The following LYPLA1 variants were observed in gnomAD, a reference collection of about 807,000 sequenced individuals.
LYPLA1 encodes the protein lysophospholipase 1.
In LYPLA1, 17 loss-of-function variants were observed where a neutral mutation model predicts 34.0. The observed-to-expected ratio is 0.50, with a 90% confidence interval of 0.34 to 0.75. The LOEUF (loss-of-function observed/expected upper bound fraction) is 0.75. Ranked by LOEUF, LYPLA1 falls within the 30% of genes least tolerant of loss-of-function variation. The pLI is 0.01. For missense variants in LYPLA1, 203 were observed against 288.8 expected (o/e 0.70, Z 2.15); for synonymous variants, 98 against 100.8 (o/e 0.97, Z 0.17).
Position 54,047,932 on chromosome 8 carries a change from G to T in LYPLA1, c.*133C>A, listed in dbSNP as rs1014671901. 3.9e-5 allele frequency: 23 copies of T among 597,122 alleles called. No homozygotes were observed. In the Admixed American group the frequency reaches 4.1e-4, roughly 11 times the overall value. 37.0% of individuals were successfully genotyped at this position (597,122 alleles called of 1,614,324 possible). On this transcript the variant is annotated 3_prime_UTR_variant, in exon 9 of 9. Coordinates refer to ENST00000316963, the MANE Select transcript of LYPLA1 (RefSeq NM_006330.4). ...CTCATGAGGAGATATTATTTGATCT[G>T]TGTTATTGGCATGTATTTGCAAAAC...
chr8:54,092,157 C>T (rs575675190), intron 2 of LYPLA1, among the ~76,000 whole-genome samples: 4 of 146,416 alleles, frequency 2.7e-5, no homozygotes, highest in East Asian at 4.0e-4. Context: ...GCAGAGGCGG[C>T]GGCGGAGGAG....
chr8:54,084,996 T>TCTC (rs1808601644), intron 2 of LYPLA1, among the ~76,000 whole-genome samples: 1 of 119,914 alleles, frequency 8.3e-6, no homozygotes, highest in African/African-American at 6.5e-5. Context: ...CTCCTCTCCC[T>TCTC]CCTCTTCCTC....
At chr8:54,101,414 C>A (rs1396131594) in intron 1 of LYPLA1, 4 of 1,064,058 alleles carry the variant, frequency 3.8e-6, no homozygotes, top group African/African-American at 1.7e-5. Context: ...GACAATAAGG[C>A]GATTTCCTGG....
At chr8:54,085,112 T>C (rs1301552940) in intron 2 of LYPLA1, among the ~76,000 whole-genome samples, 1 of 152,244 alleles carries the variant, frequency 6.6e-6, no homozygotes, top group African/African-American at 2.4e-5. Flanking sequence ...CTGATTCTCC[T>C]GCCTCAGCCT....
chr8:54,086,017 G>A (rs1306030354), intron 2 of LYPLA1, among the ~76,000 whole-genome samples: 2 of 152,212 alleles, frequency 1.3e-5, no homozygotes, highest in Non-Finnish European at 2.9e-5. Context: ...GGAAAAGAGA[G>A]ATCAGATTGT....
intron 2 of LYPLA1, among the ~76,000 whole-genome samples, chr8:54,089,759 G>T (rs1809082457): frequency 6.6e-6 from 1 of 151,926 alleles, no homozygotes; most frequent in South Asian, 2.1e-4. Flanking sequence ...AAGTAGCTGG[G>T]ATTACAGGCA....
chr8:54,085,842 C>T (rs1208220967), intron 2 of LYPLA1, among the ~76,000 whole-genome samples: 9 of 142,092 alleles, frequency 6.3e-5, no homozygotes, highest in Non-Finnish European at 1.2e-4. Context: ...CCAGCCGCCC[C>T]GTCCGCGAGG....
At chr8:54,051,287 T>C (rs1805826912) in intron 7 of LYPLA1, 99 bp from the exon 8 acceptor site, 2 of 1,026,722 alleles carry the variant, frequency 1.9e-6, no homozygotes, top group African/African-American at 1.6e-5. Flanking sequence ...ATATATAACA[T>C]ATTAGAAGTT....
At chr8:54,088,687 T>A (rs1166894222) in intron 2 of LYPLA1, among the ~76,000 whole-genome samples, 1 of 152,222 alleles carries the variant, frequency 6.6e-6, no homozygotes. Flanking sequence ...TATTACTCAT[T>A]AGAGTAAAAA....
intron 6 of LYPLA1, 72 bp downstream of exon 6, chr8:54,054,988 G>T: frequency 1.1e-6 from 1 of 900,132 alleles, no homozygotes; most frequent in Non-Finnish European, 1.8e-6. Flanking sequence ...CTACTCTATA[G>T]AAAGGATTAA....
intron 6 of LYPLA1, chr8:54,053,715 G>A (rs772053088): frequency 1.5e-5 from 7 of 456,142 alleles, no homozygotes; most frequent in Non-Finnish European, 1.8e-5. Context: ...GGCTGCAAAA[G>A]CCAAGATGGC....
intron 2 of LYPLA1, among the ~76,000 whole-genome samples, chr8:54,066,739 C>T (rs1202200462): frequency 6.6e-6 from 1 of 151,510 alleles, no homozygotes; most frequent in East Asian, 1.9e-4. Context: ...CGAGATCACG[C>T]CACTGCACTC....
At chr8:54,048,479 A>G (rs1023986896) in intron 8 of LYPLA1, among the ~76,000 whole-genome samples, 28 of 152,332 alleles carry the variant, frequency 1.8e-4, no homozygotes, top group African/African-American at 5.8e-4. Context: ...CAGAGCTTCT[A>G]CCATTCTTCA....
At chr8:54,101,560 C>T in intron 1 of LYPLA1, 195 bp downstream of exon 1, 1 of 1,148,962 alleles carries the variant, frequency 8.7e-7, no homozygotes, top group Admixed American at 4.8e-5. Context: ...GACTGGCCCT[C>T]GCGCCGGCTG....
intron 2 of LYPLA1, among the ~76,000 whole-genome samples, chr8:54,082,749 C>T (rs547336071): frequency 6.6e-5 from 10 of 152,218 alleles, no homozygotes; most frequent in South Asian, 2.1e-4. Flanking sequence ...TTTTCTGAGA[C>T]GGAGTCTCGC....
Position 54,065,917 on chromosome 8 carries a change from T to A in LYPLA1, c.102-104A>T. ...AAAAATTGTGAAGATAAATGTTAAA[T>A]CCTAAAAATATGGTTTTTTTTTGTT... On this transcript the variant is annotated intron_variant, in intron 2 of 8. Coordinates refer to ENST00000316963, the MANE Select transcript of LYPLA1 (RefSeq NM_006330.4). 7 of 761,722 alleles carry A rather than the reference T, an allele frequency of 9.2e-6. No individual in the cohort carries two copies. In the South Asian group the frequency reaches 1.1e-4, roughly 12 times the overall value. The allele number at this position is 761,722 out of a possible 1,614,324, so 47.2% of individuals were successfully genotyped here.
At chr8:54,048,227 C>T in intron 8 of LYPLA1, 109 bp from the exon 9 acceptor site, 1 of 665,154 alleles carries the variant, frequency 1.5e-6, no homozygotes. Flanking sequence ...GGCGAAATCA[C>T]ATTTTTACTA....
At chr8:54,066,806 A>C (rs1807103226) in intron 2 of LYPLA1, among the ~76,000 whole-genome samples, 1 of 151,732 alleles carries the variant, frequency 6.6e-6, no homozygotes, top group Non-Finnish European at 1.5e-5. Context: ...AAAAAAAAGA[A>C]AAAGAAAAAA....
At chr8:54,085,126 G>A (rs879568393) in intron 2 of LYPLA1, among the ~76,000 whole-genome samples, 4 of 152,202 alleles carry the variant, frequency 2.6e-5, no homozygotes, top group Admixed American at 6.5e-5. Context: ...TCAGCCTGCC[G>A]AAGGCGCGCA....
Sources: gnomAD v4.1 joint callset for allele counts (sites outside exome capture counted in the v4.1 genomes callset) on GRCh38, gnomAD v4.1.1 for gene constraint, MANE v1.5 for transcripts, NCBI Gene and HGNC (gene_info 2026-07-23, HGNC 2026-07-21) for gene names.